Variants in OPCML observed in about 807,000 individuals in gnomAD.
The protein encoded by OPCML is opioid-binding protein/cell adhesion molecule.
OPCML carries 13 observed loss-of-function variants against 37.8 expected under a neutral mutation model. That is an observed-to-expected ratio of 0.34 (90% CI 0.22 to 0.55). The LOEUF is 0.55. Among genes scored for constraint, OPCML ranks in the 20% least tolerant of loss-of-function variants. The probability of loss-of-function intolerance (pLI) is 0.91; values close to 1 mark genes in which losing one functional copy is unlikely to be tolerated. For synonymous variants in OPCML, 176 were observed against 168.8 expected, an observed-to-expected ratio of 1.04 and a Z score of -0.33; for missense variants, 341 against 435.6, an observed-to-expected ratio of 0.78 and a Z score of 1.93.
At chr11:132,526,839 C>T (rs2096309798) in intron 4 of OPCML, among the ~76,000 whole-genome samples, 1 of 152,078 alleles carries the variant, frequency 6.6e-6, no homozygotes, top group South Asian at 2.1e-4. Flanking sequence ...AGATACAGAA[C>T]TTTTCCAACA....
intron 3 of OPCML, among the ~76,000 whole-genome samples, chr11:132,599,596 G>A (rs960799027): frequency 6.6e-6 from 1 of 152,134 alleles, no homozygotes; most frequent in African/African-American, 2.4e-5. Context: ...AGGCTTTGGT[G>A]GGCTCCACTT....
At chr11:132,436,844 GAA>G (rs2096014921) in intron 5 of OPCML, 65 bp from the exon 6 acceptor site, 1 of 1,567,496 alleles carries the variant, frequency 6.4e-7, no homozygotes, top group Admixed American at 1.8e-5. Context: ...GTGATTTCGT[GAA>G]AGAGATGAAG....
At chr11:132,685,384 C>T (rs554593927) in intron 2 of OPCML, among the ~76,000 whole-genome samples, 1 of 152,286 alleles carries the variant, frequency 6.6e-6, no homozygotes, top group African/African-American at 2.4e-5. Context: ...AATCAGAACA[C>T]TTCTTTATCA....
intron 1 of OPCML, among the ~76,000 whole-genome samples, chr11:133,396,281 T>A (rs1436146916): frequency 1.3e-5 from 2 of 152,180 alleles, no homozygotes; most frequent in Non-Finnish European, 2.9e-5. Flanking sequence ...ATTTACTTAT[T>A]AGTTCTAATA....
intron 2 of OPCML, among the ~76,000 whole-genome samples, chr11:132,673,312 G>A (rs145986341): frequency 2.6e-5 from 4 of 152,212 alleles, no homozygotes; most frequent in Non-Finnish European, 4.4e-5. Flanking sequence ...GATGATGATC[G>A]TGATGGTGGT....
At chr11:132,594,854 A>G (rs1343663219) in intron 3 of OPCML, among the ~76,000 whole-genome samples, 2 of 152,242 alleles carry the variant, frequency 1.3e-5, no homozygotes, top group Admixed American at 6.5e-5. Context: ...CATAAAAGCT[A>G]AGTCCACACT....
intron 1 of OPCML, among the ~76,000 whole-genome samples, chr11:133,434,618 T>C (rs1053574977): frequency 2.6e-5 from 4 of 151,840 alleles, no homozygotes; most frequent in Admixed American, 6.6e-5. Context: ...ATTACCAAGT[T>C]TATCTGCTTA....
At chr11:133,492,518 G>A (rs1947686509) in intron 1 of OPCML, among the ~76,000 whole-genome samples, 1 of 151,984 alleles carries the variant, frequency 6.6e-6, no homozygotes, top group Admixed American at 6.6e-5. Context: ...AGAAGTTGCT[G>A]GGGTTTTTTT....
At chr11:133,201,169 C>T (rs1387269090) in intron 1 of OPCML, among the ~76,000 whole-genome samples, 1 of 152,102 alleles carries the variant, frequency 6.6e-6, no homozygotes, top group African/African-American at 2.4e-5. Flanking sequence ...TGAAAAACTA[C>T]CTATCAGGTA....
intron 2 of OPCML, among the ~76,000 whole-genome samples, chr11:132,804,659 C>T (rs528365047): frequency 2.0e-5 from 3 of 152,244 alleles, no homozygotes; most frequent in East Asian, 3.9e-4. Flanking sequence ...AAATAGAGCA[C>T]GACTTATGCT....
At chr11:132,682,967 G>A (rs968641158) in intron 2 of OPCML, among the ~76,000 whole-genome samples, 5 of 152,112 alleles carry the variant, frequency 3.3e-5, no homozygotes, top group African/African-American at 1.2e-4. Context: ...TGTATTCAAG[G>A]CCAGTCAGAA....
chr11:132,950,988 G>A (rs1289995509), intron 1 of OPCML, among the ~76,000 whole-genome samples: 1 of 152,180 alleles, frequency 6.6e-6, no homozygotes, highest in Non-Finnish European at 1.5e-5. Context: ...CTTCCCTGCT[G>A]TGATCACCTG....
chr11:132,928,567 A>C lies in OPCML; in HGVS notation c.146+14359T>G, dbSNP rs75312110. 9.9e-3 allele frequency among the ~76,000 whole-genome samples: 1,506 copies of C among 152,168 alleles called. 24 individuals carry two copies. Among genetic ancestry groups the C allele is most frequent in the African/African-American group, 0.034 (1,428 of 41,566 alleles). Reference sequence around the variant, plus strand: ...TTTCAATAATAGATATAACAAACAGACATAAGATCAATAAGGAAATAAAGA... The same window carrying C: ...TTTCAATAATAGATATAACAAACAGCCATAAGATCAATAAGGAAATAAAGA... On this transcript the variant is annotated intron_variant, in intron 2 of 7. Coordinates refer to ENST00000524381, the MANE Select transcript of OPCML (RefSeq NM_001012393.5).
At chr11:132,963,170 C>T (rs925792107) in intron 1 of OPCML, among the ~76,000 whole-genome samples, 6 of 152,060 alleles carry the variant, frequency 3.9e-5, no homozygotes, top group Non-Finnish European at 8.8e-5. Context: ...AAAGGGCCTC[C>T]GATATCATTT....
intron 2 of OPCML, among the ~76,000 whole-genome samples, chr11:132,899,991 C>A (rs577804546): frequency 1.3e-5 from 2 of 152,174 alleles, no homozygotes; most frequent in African/African-American, 4.8e-5. Context: ...CCAGGGTCCC[C>A]CATATGTAGA....
chr11:132,844,747 G>C (rs796282011), intron 2 of OPCML, among the ~76,000 whole-genome samples: 10 of 152,036 alleles, frequency 6.6e-5, no homozygotes, highest in African/African-American at 2.4e-4. Flanking sequence ...GTAAAACATT[G>C]AGCAAATCTG....
At chr11:132,591,886 GATTGATACTAT>G (rs1325038421) in intron 3 of OPCML, among the ~76,000 whole-genome samples, 1 of 152,194 alleles carries the variant, frequency 6.6e-6, no homozygotes, top group African/African-American at 2.4e-5. Context: ...TGGGTAAACA[GATTGATACTAT>G]ATAGTGGGGA....
chr11:132,732,161 A>T (rs1945099810), intron 2 of OPCML, among the ~76,000 whole-genome samples: 1 of 152,166 alleles, frequency 6.6e-6, no homozygotes, highest in African/African-American at 2.4e-5. Context: ...TAGTTAGGAG[A>T]ATATGTTTTT....
At chr11:132,638,186 TACAGAGAGAGAGAGAGC>T (rs1940641324) in intron 3 of OPCML, among the ~76,000 whole-genome samples, 16 of 130,864 alleles carry the variant, frequency 1.2e-4, no homozygotes, top group South Asian at 5.2e-4. Flanking sequence ...TATATATATA[TACAGAGAGAGAGAGAGC>T]ATATATACAG....
Sources: gnomAD v4.1 joint callset for allele counts (sites outside exome capture counted in the v4.1 genomes callset) on GRCh38, gnomAD v4.1.1 for gene constraint, MANE v1.5 for transcripts, NCBI Gene and HGNC (gene_info 2026-07-23, HGNC 2026-07-21) for gene names.